The following SPIRE1 variants were observed in gnomAD, a reference collection of about 807,000 sequenced individuals.
The protein encoded by SPIRE1 is spire type actin nucleation factor 1.
Under a neutral mutation model 94.1 loss-of-function variants are expected in SPIRE1, and 40 were observed. That is an observed-to-expected ratio of 0.43 (90% CI 0.33 to 0.55). The LOEUF (loss-of-function observed/expected upper bound fraction) is 0.55. Ranked by LOEUF, SPIRE1 falls within the 20% of genes least tolerant of loss-of-function variation. The probability of loss-of-function intolerance (pLI) is 0.06; values close to 1 mark genes in which losing one functional copy is unlikely to be tolerated. For missense variants in SPIRE1, 838 were observed against 975.2 expected (o/e 0.86, Z 1.87); for synonymous variants, 376 against 371.7 (o/e 1.01, Z -0.13).
At chr18:12,606,777 C>T (rs980473633) in intron 2 of SPIRE1, among the ~76,000 whole-genome samples, 34 of 152,184 alleles carry the variant, frequency 2.2e-4, no homozygotes, top group African/African-American at 8.0e-4. Context: ...GTGATCCGCC[C>T]ACCTCAGCCT....
Position 12,449,808 on chromosome 18 carries a change from C to T in SPIRE1, c.2101G>A (p.Val701Met). ...ATGAACTTCTTGCAGTCCACACACACCTCCATGGTGCTCCAGTCCTCCATC... is the reference window on the plus strand; with the variant it reads ...ATGAACTTCTTGCAGTCCACACACATCTCCATGGTGCTCCAGTCCTCCATC... ...ELMEDWSTME[V>M]CVDCKKFISE... Residue 701 changes from valine (V) to methionine (M), a missense_variant, in exon 17 of 17, where the codon GTG (valine) becomes ATG (methionine). Val to Met is a conservative substitution (Grantham distance 21). Transcript: ENST00000409402. 1 of 1,614,136 alleles carries T rather than the reference C, an allele frequency of 6.2e-7. No homozygotes were observed. The highest frequency in any genetic ancestry group is 8.5e-7 in the Non-Finnish European group (1 of 1,180,032).
chr18:12,601,248 T>A (rs1460726393), intron 2 of SPIRE1, among the ~76,000 whole-genome samples: 1 of 148,694 alleles, frequency 6.7e-6, no homozygotes, highest in Non-Finnish European at 1.5e-5. Flanking sequence ...ACCCCATCTC[T>A]ACCAAAAAAA....
intron 2 of SPIRE1, among the ~76,000 whole-genome samples, chr18:12,565,252 G>A (rs1479697784): frequency 1.3e-5 from 2 of 152,162 alleles, no homozygotes; most frequent in African/African-American, 2.4e-5. Flanking sequence ...CAGAAACCAT[G>A]CAAGCAAGAA....
At chr18:12,546,988 A>AT (rs539016219) in intron 2 of SPIRE1, 84 bp from the exon 3 acceptor site, 8 of 904,604 alleles carry the variant, frequency 8.8e-6, no homozygotes, top group South Asian at 5.3e-5. Flanking sequence ...GTTTAGTATG[A>AT]TTTTTTCCCT....
intron 2 of SPIRE1, among the ~76,000 whole-genome samples, chr18:12,612,554 A>C (rs958873207): frequency 5.3e-5 from 8 of 152,214 alleles, no homozygotes; most frequent in African/African-American, 1.9e-4. Flanking sequence ...AGGACCAGTA[A>C]CTTCACCGTC....
intron 12 of SPIRE1, among the ~76,000 whole-genome samples, chr18:12,461,804 T>A (rs1379437944): frequency 2.0e-5 from 3 of 152,078 alleles, no homozygotes; most frequent in Non-Finnish European, 2.9e-5. Context: ...AGTTTTTAAT[T>A]AAAAATTTTG....
intron 8 of SPIRE1, among the ~76,000 whole-genome samples, chr18:12,490,439 A>C (rs892401287): frequency 8.5e-5 from 13 of 152,196 alleles, no homozygotes; most frequent in African/African-American, 1.2e-4. Flanking sequence ...CTCTTTCAAA[A>C]CACTGAAGAT....
At chr18:12,610,456 C>T (rs948401452) in intron 2 of SPIRE1, among the ~76,000 whole-genome samples, 1 of 152,172 alleles carries the variant, frequency 6.6e-6, no homozygotes, top group East Asian at 1.9e-4. Context: ...ATGCTCTAAA[C>T]TTCCTTCTTA....
intron 10 of SPIRE1, among the ~76,000 whole-genome samples, chr18:12,471,645 C>G (rs1016635180): frequency 6.6e-6 from 1 of 152,046 alleles, no homozygotes; most frequent in Non-Finnish European, 1.5e-5. Context: ...TTAATTCAGG[C>G]ATTCTCATGT....
chr18:12,649,410 T>C (rs2038314622), intron 1 of SPIRE1, among the ~76,000 whole-genome samples: 1 of 151,606 alleles, frequency 6.6e-6, no homozygotes, highest in Non-Finnish European at 1.5e-5. Flanking sequence ...CCCTGTCTCT[T>C]AAAAAAAAAT....
At chr18:12,635,369 T>C (rs574764724) in intron 1 of SPIRE1, among the ~76,000 whole-genome samples, 1 of 152,300 alleles carries the variant, frequency 6.6e-6, no homozygotes, top group African/African-American at 2.4e-5. Flanking sequence ...AATACAGATA[T>C]ATAAATCAAT....
chr18:12,623,117 C>A (rs2037522111), intron 2 of SPIRE1, among the ~76,000 whole-genome samples: 1 of 31,826 alleles, frequency 3.1e-5, no homozygotes, highest in African/African-American at 6.5e-5. Context: ...TTTTTACATT[C>A]TTTTACCCTT....
intron 2 of SPIRE1, among the ~76,000 whole-genome samples, chr18:12,632,976 C>A (rs764277728): frequency 5.3e-5 from 8 of 152,082 alleles, no homozygotes; most frequent in Non-Finnish European, 1.0e-4. Flanking sequence ...TCTTAATTCA[C>A]AATAGTGCAT....
chr18:12,450,790 T>C, intron 16 of SPIRE1: 1 of 726,540 alleles, frequency 1.4e-6, no homozygotes, highest in East Asian at 2.5e-5. Flanking sequence ...TCATAAACCC[T>C]GGCATCTCTA....
At chr18:12,455,591 T>C (rs1024073816) in intron 12 of SPIRE1, among the ~76,000 whole-genome samples, 1 of 152,228 alleles carries the variant, frequency 6.6e-6, no homozygotes, top group African/African-American at 2.4e-5. Flanking sequence ...TTGATGTAAC[T>C]GATCTCATTG....
intron 4 of SPIRE1, 139 bp from the exon 5 acceptor site, chr18:12,512,670 C>A: frequency 1.7e-6 from 1 of 572,098 alleles, no homozygotes; most frequent in Non-Finnish European, 3.0e-6. Flanking sequence ...TCCGTAAACT[C>A]TAGGGCCAAT....
chr18:12,502,320 T>C (rs557976905), intron 6 of SPIRE1, among the ~76,000 whole-genome samples: 7 of 152,310 alleles, frequency 4.6e-5, no homozygotes, highest in African/African-American at 7.2e-5. Flanking sequence ...TTAAAATACA[T>C]TAATGATAAA....
At chr18:12,481,015 T>C (rs1015887124) in intron 9 of SPIRE1, among the ~76,000 whole-genome samples, 10 of 152,104 alleles carry the variant, frequency 6.6e-5, no homozygotes, top group African/African-American at 2.2e-4. Context: ...GGGAAAGCAC[T>C]GTAACTGAGG....
At chr18:12,455,324 G>C (rs2031459405) in intron 12 of SPIRE1, among the ~76,000 whole-genome samples, 2 of 152,142 alleles carry the variant, frequency 1.3e-5, no homozygotes, top group South Asian at 4.1e-4. Context: ...ATTATTTAGT[G>C]ATCAGTTACA....
Sources: gnomAD v4.1 joint callset for allele counts (sites outside exome capture counted in the v4.1 genomes callset) on GRCh38, gnomAD v4.1.1 for gene constraint, MANE v1.5 for transcripts, NCBI Gene and HGNC (gene_info 2026-07-23, HGNC 2026-07-21) for gene names.